CADM2: variants seen among roughly 807,000 people sequenced by gnomAD.
The protein encoded by CADM2 is immunoglobulin superfamily member 4D.
Under a neutral mutation model 49.8 loss-of-function variants are expected in CADM2, and 12 were observed. That is an observed-to-expected ratio of 0.24 (90% CI 0.15 to 0.39). CADM2 has a LOEUF of 0.39. Ranked by LOEUF, CADM2 falls within the 10% of genes least tolerant of loss-of-function variation. The pLI is 1.00. For synonymous variants in CADM2, 214 were observed against 175.4 expected, an observed-to-expected ratio of 1.22 and a Z score of -1.74; for missense variants, 378 against 492.3, an observed-to-expected ratio of 0.77 and a Z score of 2.20.
chr3:86,072,956 C>T lies in CADM2; in HGVS notation c.*6173C>T, dbSNP rs1197300990. 2.6e-5 allele frequency: 4 copies of T among 151,870 alleles called. No individual in the cohort carries two copies. The highest frequency in any genetic ancestry group is 9.7e-5 in the African/African-American group (4 of 41,360). The allele number at this position is 151,870 out of a possible 1,614,324, so 9.4% of individuals were successfully genotyped here. On this transcript the variant is annotated 3_prime_UTR_variant, in exon 10 of 10. Transcript: ENST00000383699. Reference sequence around the variant, plus strand: ...TTTTTACAAATTTATTTAACTGTACCTACTGTACTTATTGTAGATTCAATG... The same window carrying T: ...TTTTTACAAATTTATTTAACTGTACTTACTGTACTTATTGTAGATTCAATG...
At chr3:85,193,480 AT>A (rs2041262249) in intron 1 of CADM2, among the ~76,000 whole-genome samples, 1 of 152,048 alleles carries the variant, frequency 6.6e-6, no homozygotes, top group Admixed American at 6.6e-5. Context: ...TATGTGATAG[AT>A]TTTCCTGATA....
At chr3:85,499,725 T>G (rs1004308225) in intron 1 of CADM2, among the ~76,000 whole-genome samples, 1 of 152,110 alleles carries the variant, frequency 6.6e-6, no homozygotes, top group African/African-American at 2.4e-5. Flanking sequence ...TCTTTCCTAA[T>G]GTTATGGTAG....
rs373924729 is a variant in CADM2 at position 85,501,898 on chromosome 3, G to C, written c.62-224624G>C. Among the ~76,000 whole-genome samples the C allele has an allele frequency of 5.4e-3, 825 of 152,124 alleles. 3 individuals carry two copies. The highest frequency in any genetic ancestry group is 9.4e-3 in the Non-Finnish European group (640 of 67,958). On this transcript the variant is annotated intron_variant, in intron 1 of 9. Coordinates refer to ENST00000383699, the MANE Select transcript of CADM2 (RefSeq NM_001167675.2). ...AAACATTTATTATATCTCCTTTCTT[G>C]TCCTTAAGCCAAACACAGTCTATCT...
intron 8 of CADM2, among the ~76,000 whole-genome samples, chr3:86,016,052 T>C (rs552822556): frequency 6.9e-6 from 1 of 144,718 alleles, no homozygotes; most frequent in South Asian, 2.2e-4. Flanking sequence ...AAAAAGAAAC[T>C]TAATCATTTT....
intron 1 of CADM2, among the ~76,000 whole-genome samples, chr3:85,117,192 G>C (rs966017895): frequency 6.6e-6 from 1 of 151,946 alleles, no homozygotes; most frequent in African/African-American, 2.4e-5. Flanking sequence ...CTGCACTTCA[G>C]CCCAGGCTAC....
chr3:85,653,957 G>A (rs1475677696), intron 1 of CADM2, among the ~76,000 whole-genome samples: 1 of 152,236 alleles, frequency 6.6e-6, no homozygotes, highest in Non-Finnish European at 1.5e-5. Context: ...ATAAGGGAAT[G>A]ATGAATGATG....
chr3:85,723,771 G>T (rs879739613), intron 1 of CADM2, among the ~76,000 whole-genome samples: 9 of 152,016 alleles, frequency 5.9e-5, no homozygotes, highest in African/African-American at 9.7e-5. Flanking sequence ...ATGATAAAAT[G>T]ATTTCTTATA....
intron 1 of CADM2, among the ~76,000 whole-genome samples, chr3:85,329,100 T>C (rs1302082790): frequency 3.9e-5 from 6 of 152,068 alleles, no homozygotes; most frequent in African/African-American, 2.4e-5. Context: ...GAGATAACTG[T>C]ATGAAGAAAC....
intron 1 of CADM2, among the ~76,000 whole-genome samples, chr3:85,465,944 G>A (rs879419529): frequency 3.9e-5 from 6 of 152,162 alleles, no homozygotes; most frequent in Non-Finnish European, 7.4e-5. Context: ...ATCATATGAA[G>A]TGCTTGCATT....
intron 1 of CADM2, among the ~76,000 whole-genome samples, chr3:85,184,751 T>A (rs2107711303): frequency 6.6e-6 from 1 of 152,216 alleles, no homozygotes; most frequent in South Asian, 2.1e-4. Context: ...TGAAGCTTAT[T>A]GTATAGATAG....
chr3:85,966,698 T>A (rs1387125537), intron 8 of CADM2, among the ~76,000 whole-genome samples: 1 of 151,670 alleles, frequency 6.6e-6, no homozygotes, highest in African/African-American at 2.4e-5. Context: ...TTGCTTATAT[T>A]TCTGTCCTGC....
At chr3:85,516,248 T>C (rs1254225275) in intron 1 of CADM2, among the ~76,000 whole-genome samples, 1 of 152,142 alleles carries the variant, frequency 6.6e-6, no homozygotes, top group Non-Finnish European at 1.5e-5. Flanking sequence ...CTCAGAATAG[T>C]GTTTGGCATA....
chr3:85,173,584 C>T (rs756248579), intron 1 of CADM2, among the ~76,000 whole-genome samples: 5 of 151,990 alleles, frequency 3.3e-5, no homozygotes, highest in Admixed American at 6.6e-5. Context: ...ATCCTATACA[C>T]GTATACAAGT....
chr3:85,768,424 C>A (rs1475597879), intron 2 of CADM2, among the ~76,000 whole-genome samples: 2 of 150,570 alleles, frequency 1.3e-5, no homozygotes. Context: ...CCAAACTGGG[C>A]TACAGTGCGA....
rs115647842 is a variant in CADM2, at chr3:85,568,235, A to G, written c.62-158287A>G. ...ACTACTGAGACAGACTACAGTCCAAATAATCACAATTCACTCTGCGAAGTG... is the reference window on the plus strand; with the variant it reads ...ACTACTGAGACAGACTACAGTCCAAGTAATCACAATTCACTCTGCGAAGTG... On this transcript the variant is annotated intron_variant, in intron 1 of 9. Transcript: ENST00000383699. Among the ~76,000 whole-genome samples the G allele has an allele frequency of 3.3e-3, 499 of 152,284 alleles. 4 individuals carry two copies. The highest frequency in any genetic ancestry group is 0.012 in the African/African-American group (482 of 41,550).
intron 3 of CADM2, among the ~76,000 whole-genome samples, chr3:85,814,757 T>A (rs1294600795): frequency 6.6e-6 from 1 of 151,994 alleles, no homozygotes; most frequent in African/African-American, 2.4e-5. Context: ...TTCTATAGAA[T>A]TCTATAGTAT....
At chr3:85,518,421 G>GT (rs2060953107) in intron 1 of CADM2, among the ~76,000 whole-genome samples, 1 of 138,702 alleles carries the variant, frequency 7.2e-6, no homozygotes, top group African/African-American at 3.1e-5. Context: ...AACAATCTAG[G>GT]CTTTTTTTTT....
At chr3:84,959,749 C>T (rs1234599245) in intron 1 of CADM2, 81 bp downstream of exon 1, 1 of 1,301,358 alleles carries the variant, frequency 7.7e-7, no homozygotes, top group African/African-American at 1.5e-5. Flanking sequence ...TTTCCACTCT[C>T]CCCTCCCAGT....
intron 1 of CADM2, among the ~76,000 whole-genome samples, chr3:85,294,057 C>T (rs7642661): frequency 6.6e-6 from 1 of 150,986 alleles, no homozygotes. Flanking sequence ...CTCAGCCCAA[C>T]ATCTTCTTAA....
Sources: allele counts gnomAD v4.1 joint callset (sites outside exome capture counted in the v4.1 genomes callset), GRCh38; gene constraint gnomAD v4.1.1; transcripts MANE v1.5; gene names NCBI Gene and HGNC (gene_info 2026-07-23, HGNC 2026-07-21).